The following NIPBL variants were observed in gnomAD, a reference collection of about 807,000 sequenced individuals.
NIPBL encodes the protein nipped-B-like protein.
A neutral mutation model predicts 321.8 loss-of-function variants in NIPBL; 19 were observed. The observed-to-expected ratio is 0.06, with a 90% CI of 0.04 to 0.09. The LOEUF is 0.09. Among genes scored for constraint, NIPBL ranks in the 10% least tolerant of loss-of-function variants. NIPBL has a pLI of 1.00. For synonymous variants in NIPBL, 1,106 were observed against 1,114.1 expected, an observed-to-expected ratio of 0.99 and a Z score of 0.14; for missense variants, 2,210 against 3,327.0, an observed-to-expected ratio of 0.66 and a Z score of 8.26.
In NIPBL at chr5:37,002,799, T is replaced by G. The variant is rs149115930; in HGVS notation, c.3768+34T>G. On this transcript the variant is annotated intron_variant, in intron 15 of 46. Transcript: ENST00000282516. Reference sequence around the variant, plus strand: ...CCAAAGTAAAATTTATAAATTTACTTCATAGAAACATTTGAAATTAATTTA... The same window carrying G: ...CCAAAGTAAAATTTATAAATTTACTGCATAGAAACATTTGAAATTAATTTA... 28 of 1,176,060 alleles carry G rather than the reference T, an allele frequency of 2.4e-5. No individual in the cohort carries two copies. The East Asian group carries it at 3.6e-4, about 15-fold the overall frequency. The allele number at this position is 1,176,060 out of a possible 1,614,324, so 72.9% of individuals were successfully genotyped here.
chr5:37,021,876 C>T (rs1343122363), intron 27 of NIPBL, among the ~76,000 whole-genome samples, 175 bp from the exon 28 acceptor site: 11 of 152,120 alleles, frequency 7.2e-5, no homozygotes, highest in Admixed American at 2.0e-4. Flanking sequence ...CACTTAACAC[C>T]TGTACTGATT....
intron 14 of NIPBL, 108 bp downstream of exon 14, chr5:37,001,186 G>GGTT (rs1359999336): frequency 1.3e-6 from 1 of 751,834 alleles, no homozygotes; most frequent in South Asian, 1.5e-5. Flanking sequence ...ATCATATACT[G>GGTT]GTTGTTGTTG....
chr5:36,887,440 T>C (rs1468020699), intron 1 of NIPBL, among the ~76,000 whole-genome samples: 3 of 152,178 alleles, frequency 2.0e-5, no homozygotes, highest in Non-Finnish European at 2.9e-5. Flanking sequence ...AGAAAAGCAG[T>C]GCCCTTTACT....
intron 42 of NIPBL, among the ~76,000 whole-genome samples, chr5:37,052,959 A>G (rs1399765963): frequency 2.0e-5 from 3 of 152,254 alleles, no homozygotes; most frequent in Middle Eastern, 6.8e-3. Flanking sequence ...ATTTCCCTTA[A>G]TGAAGGGAAG....
chr5:36,927,972 A>G (rs952596822), intron 1 of NIPBL, among the ~76,000 whole-genome samples: 2 of 151,246 alleles, frequency 1.3e-5, no homozygotes, highest in African/African-American at 4.9e-5. Context: ...ATGAGCCACC[A>G]TGCCCGGCTG....
chr5:36,907,946 G>C (rs1300514713), intron 1 of NIPBL, among the ~76,000 whole-genome samples: 1 of 152,042 alleles, frequency 6.6e-6, no homozygotes, highest in Non-Finnish European at 1.5e-5. Flanking sequence ...TTACACAATA[G>C]TAAAAAAACA....
chr5:37,003,390 T>C (rs1747047919), intron 16 of NIPBL, 43 bp downstream of exon 16: 1 of 1,195,664 alleles, frequency 8.4e-7, no homozygotes, highest in Admixed American at 1.7e-5. Context: ...CTTAATGTTA[T>C]TAAGATCTAT....
rs57488198 is a variant in NIPBL, at chr5:37,055,356, T to TAAAAAA, written c.7264-1817_7264-1812dup. Among the ~76,000 whole-genome samples, 307 of 84,580 alleles carry TAAAAAA rather than the reference T, an allele frequency of 3.6e-3. 2 individuals carry two copies. Among genetic ancestry groups the TAAAAAA allele is most frequent in the African/African-American group, 0.01 (276 of 27,526 alleles). The allele number at this position is 84,580 out of a possible 152,430, so 55.5% of individuals were successfully genotyped here. A position where few individuals can be genotyped will look rare whatever the true frequency, so the allele number is the denominator to read the frequency against. On this transcript the variant is annotated intron_variant, in intron 42 of 46. Coordinates refer to ENST00000282516, the MANE Select transcript of NIPBL (RefSeq NM_133433.4). Reference sequence around the variant, plus strand: ...ACAGAGCGAGACTCCATCTCAACAGTAAAAAAAAAAAAAAAAAAGAATGGA... The same window carrying TAAAAAA: ...ACAGAGCGAGACTCCATCTCAACAGTAAAAAAAAAAAAAAAAAAAAAAAAGAATGGA...
Position 37,055,887 on chromosome 5 carries a change from T to C in NIPBL, c.7264-1299T>C, listed in dbSNP as rs1380452283. 2.0e-5 allele frequency among the ~76,000 whole-genome samples: 3 copies of C among 151,834 alleles called. No individual in the cohort carries two copies. The East Asian group carries it at 5.8e-4, about 29-fold the overall frequency. Reference sequence around the variant, plus strand: ...CTGGACAGGCCTGGTGGTATGCACCTATACTCCTAGCTACCTAGCTACTGA... The same window carrying C: ...CTGGACAGGCCTGGTGGTATGCACCCATACTCCTAGCTACCTAGCTACTGA... On this transcript the variant is annotated intron_variant, in intron 42 of 46. Transcript: ENST00000282516.
At position 37,064,814 on chromosome 5, in the gene NIPBL, G is replaced by T. The variant is rs139108785; in HGVS notation, c.8337G>T (p.Thr2779=). 6.2e-7 allele frequency: 1 copy of T among 1,614,138 alleles called. No individual in the cohort carries two copies. Among genetic ancestry groups the T allele is most frequent in the Non-Finnish European group, 8.5e-7 (1 of 1,180,028 alleles). ...SDIIYKKIAL[T]SANKLTNKVV... is the part of the protein sequence containing the mutation. Reference sequence around the variant, plus strand: ...TTATTTACAAAAAAATTGCTCTAACGAGTGCTAATAAGCTGACTAATAAAG... The same window carrying T: ...TTATTTACAAAAAAATTGCTCTAACTAGTGCTAATAAGCTGACTAATAAAG... Residue 2779 remains threonine, a synonymous_variant, in exon 47 of 47, where the codon ACG becomes ACT. Transcript: ENST00000282516.
At chr5:36,998,383 A>G (rs779875441) in intron 11 of NIPBL, among the ~76,000 whole-genome samples, 1 of 152,182 alleles carries the variant, frequency 6.6e-6, no homozygotes, top group Non-Finnish European at 1.5e-5. Context: ...CCACCAATAC[A>G]GCATATTCTA....
At chr5:36,903,159 T>C (rs1468927214) in intron 1 of NIPBL, among the ~76,000 whole-genome samples, 2 of 152,166 alleles carry the variant, frequency 1.3e-5, no homozygotes, top group Non-Finnish European at 2.9e-5. Flanking sequence ...GATCTAGGAG[T>C]TCTTGAATAG....
At chr5:36,920,634 G>T in intron 1 of NIPBL, among the ~76,000 whole-genome samples, 1 of 151,950 alleles carries the variant, frequency 6.6e-6, no homozygotes, top group East Asian at 1.9e-4. Flanking sequence ...TATGTTCTTT[G>T]CTACTTAGTG....
intron 21 of NIPBL, among the ~76,000 whole-genome samples, chr5:37,013,279 G>A (rs1369650303): frequency 4.0e-5 from 6 of 149,192 alleles, no homozygotes; most frequent in Non-Finnish European, 6.0e-5. Context: ...CGGATGGGGC[G>A]GCTGGCCAGG....
At chr5:36,966,053 A>G (rs762457163) in intron 6 of NIPBL, among the ~76,000 whole-genome samples, 2 of 152,118 alleles carry the variant, frequency 1.3e-5, no homozygotes, top group African/African-American at 2.4e-5. Context: ...ATTCTCCTAT[A>G]TAAAAAATTA....
At chr5:36,924,596 G>C (rs566258618) in intron 1 of NIPBL, among the ~76,000 whole-genome samples, 27 of 152,144 alleles carry the variant, frequency 1.8e-4, no homozygotes, top group Non-Finnish European at 3.5e-4. Context: ...GTACCTTGTA[G>C]GTACTCACTA....
intron 1 of NIPBL, among the ~76,000 whole-genome samples, chr5:36,908,772 G>A (rs1224480040): frequency 6.6e-6 from 1 of 152,190 alleles, no homozygotes; most frequent in Admixed American, 6.5e-5. Flanking sequence ...GTCTGTACCA[G>A]TAAGCCACAG....
Position 37,059,082 on chromosome 5 carries a change from C to T in NIPBL, c.7602C>T (p.Ile2534=), listed in dbSNP as rs398124472. ...KCLPENSAPL[I]EFANVSQGIL... is the part of the protein sequence containing the mutation. The stretch of plus-strand genomic sequence containing the variant: ...TGCCAGAAAATTCAGCTCCTTTAAT[C>T]GAATTTGCAAATGTGTCCCAGGGTA... Residue 2534 remains isoleucine, a synonymous_variant, in exon 44 of 47, where the codon ATC becomes ATT. Transcript: ENST00000282516. 1.2e-5 allele frequency: 19 copies of T among 1,613,964 alleles called. No individual in the cohort carries two copies. Among genetic ancestry groups the T allele is most frequent in the Non-Finnish European group, 1.5e-5 (18 of 1,179,962 alleles).
At chr5:36,900,797 T>G (rs1296267005) in intron 1 of NIPBL, among the ~76,000 whole-genome samples, 2 of 152,198 alleles carry the variant, frequency 1.3e-5, no homozygotes, top group Non-Finnish European at 2.9e-5. Context: ...CATGATTTTT[T>G]TTCCTTTGCC....
Sources: allele counts gnomAD v4.1 joint callset (sites outside exome capture counted in the v4.1 genomes callset), GRCh38; gene constraint gnomAD v4.1.1; transcripts MANE v1.5; gene names NCBI Gene and HGNC (gene_info 2026-07-23, HGNC 2026-07-21).